Variants in FRMD4A observed in about 807,000 individuals in gnomAD.
FRMD4A encodes FERM domain containing 4A, also known as FERM domain-containing protein 4A.
A neutral mutation model predicts 129.1 loss-of-function variants in FRMD4A; 29 were observed. The observed-to-expected ratio is 0.22, with a 90% CI of 0.17 to 0.31. FRMD4A has a LOEUF of 0.31. Ranked by LOEUF, FRMD4A falls within the 10% of genes least tolerant of loss-of-function variation. FRMD4A has a pLI of 1.00. For synonymous variants in FRMD4A, 634 were observed against 571.6 expected (o/e 1.11, Z -1.56); for missense variants, 1,272 against 1,375.8 (o/e 0.92, Z 1.19).
chr10:14,141,879 T>C (rs1307082607), intron 2 of FRMD4A, among the ~76,000 whole-genome samples: 1 of 152,166 alleles, frequency 6.6e-6, no homozygotes, highest in Non-Finnish European at 1.5e-5. Flanking sequence ...CAGCTGCTTG[T>C]ATCTTTGGCT....
chr10:13,655,120 C>T (rs1413230897), intron 22 of FRMD4A: 3 of 152,360 alleles, frequency 2.0e-5, no homozygotes, highest in African/African-American at 7.2e-5. Context: ...ATGTAGGCAG[C>T]ATGGAAGTCC....
Position 14,185,549 on chromosome 10 carries a change from A to G in FRMD4A, c.45+144509T>C, listed in dbSNP as rs143704935. Among the ~76,000 whole-genome samples the G allele has an allele frequency of 1.0e-3, 159 of 152,350 alleles. 3 individuals carry two copies. In the East Asian group the frequency reaches 0.026, roughly 25 times the overall value. On this transcript the variant is annotated intron_variant, in intron 2 of 24. Transcript: ENST00000357447. ...TAGAACTATGGAAACTTGAAACATA[A>G]AGCAAGACTATTTAAAGGTTCAATC... is the stretch of plus-strand genomic sequence containing the variant.
At chr10:14,210,830 T>G (rs1430766247) in intron 2 of FRMD4A, among the ~76,000 whole-genome samples, 1 of 152,214 alleles carries the variant, frequency 6.6e-6, no homozygotes, top group Non-Finnish European at 1.5e-5. Flanking sequence ...AGGGTTCATG[T>G]GATTCTTCTG....
intron 2 of FRMD4A, among the ~76,000 whole-genome samples, chr10:13,943,586 T>G (rs1268061694): frequency 2.4e-5 from 3 of 125,626 alleles, no homozygotes; most frequent in Non-Finnish European, 4.7e-5. Flanking sequence ...AGGGAGAGGT[T>G]GCAGTGAGGT....
At chr10:14,074,835 T>C (rs981906082) in intron 2 of FRMD4A, 1 of 152,166 alleles carries the variant, frequency 6.6e-6, no homozygotes, top group Non-Finnish European at 1.5e-5. Context: ...TGGTAAGCCA[T>C]GGTGGATTGG....
chr10:13,925,278 G>A (rs2095118471), intron 2 of FRMD4A, among the ~76,000 whole-genome samples: 1 of 151,974 alleles, frequency 6.6e-6, no homozygotes, highest in Non-Finnish European at 1.5e-5. Context: ...TGACCACTGG[G>A]CCAAAACAGA....
chr10:14,241,720 A>AAAAAC, intron 2 of FRMD4A, among the ~76,000 whole-genome samples: 1 of 130,022 alleles, frequency 7.7e-6, no homozygotes, highest in Admixed American at 8.3e-5. Context: ...AAAAAAAAAA[A>AAAAAC]AGAGCCAACT....
intron 2 of FRMD4A, among the ~76,000 whole-genome samples, chr10:13,910,854 C>G (rs2094932937): frequency 7.7e-6 from 1 of 130,260 alleles, no homozygotes; most frequent in East Asian, 2.3e-4. Context: ...CATCATTCAC[C>G]AACACCATCC....
chr10:13,697,970 G>A (rs1375477075), intron 14 of FRMD4A, among the ~76,000 whole-genome samples: 2 of 152,082 alleles, frequency 1.3e-5, no homozygotes, highest in African/African-American at 4.8e-5. Context: ...AATTATAATT[G>A]GTGCCTGTGC....
At chr10:13,671,564 G>C (rs889247453) in intron 16 of FRMD4A, among the ~76,000 whole-genome samples, 1 of 152,212 alleles carries the variant, frequency 6.6e-6, no homozygotes, top group African/African-American at 2.4e-5. Context: ...TCTACTTGTT[G>C]TGGGTACAAG....
chr10:13,737,127 T>C (rs904358918), intron 12 of FRMD4A, among the ~76,000 whole-genome samples: 1 of 152,198 alleles, frequency 6.6e-6, no homozygotes, highest in African/African-American at 2.4e-5. Context: ...TCTTGTTCTG[T>C]CACCCAGGCT....
At chr10:14,085,541 G>T (rs1404510528) in intron 2 of FRMD4A, among the ~76,000 whole-genome samples, 1 of 152,214 alleles carries the variant, frequency 6.6e-6, no homozygotes, top group African/African-American at 2.4e-5. Flanking sequence ...GACGGAACGG[G>T]TCTCAGAAGC....
chr10:13,748,713 CT>C (rs1367183909), intron 8 of FRMD4A, among the ~76,000 whole-genome samples: 2 of 152,000 alleles, frequency 1.3e-5, no homozygotes, highest in East Asian at 3.9e-4. Flanking sequence ...GAATCTAAAA[CT>C]TTTTGAGTGC....
At chr10:13,753,471 A>G (rs4750407) in intron 8 of FRMD4A, among the ~76,000 whole-genome samples, 32,390 of 151,822 alleles carry the variant, frequency 0.21, 3,946 homozygotes, top group South Asian at 0.34. Context: ...TCATAGATAA[A>G]TCACATGAAT....
chr10:14,069,674 A>G (rs1171210551), intron 2 of FRMD4A, among the ~76,000 whole-genome samples: 1 of 152,198 alleles, frequency 6.6e-6, no homozygotes, highest in Non-Finnish European at 1.5e-5. Context: ...ATTTACTATT[A>G]TATGATTTAC....
intron 2 of FRMD4A, among the ~76,000 whole-genome samples, chr10:14,301,102 C>T (rs1477348215): frequency 1.3e-5 from 2 of 152,106 alleles, no homozygotes; most frequent in South Asian, 2.1e-4. Flanking sequence ...AAAGATCAAG[C>T]GAGATTCTCT....
chr10:13,666,068 G>T, intron 18 of FRMD4A, 29 bp downstream of exon 18: 1 of 1,391,130 alleles, frequency 7.2e-7, no homozygotes, highest in Non-Finnish European at 1.0e-6. Context: ...GCGTGGGAGT[G>T]GGGTGGGGGC....
intron 2 of FRMD4A, among the ~76,000 whole-genome samples, chr10:13,874,245 C>CAA (rs71388124): frequency 0.014 from 1,035 of 75,994 alleles, 20 homozygotes; most frequent in South Asian, 0.028. Context: ...GACACTGTCT[C>CAA]AAAAAAAAAA....
chr10:13,984,034 C>T (rs562604407), intron 2 of FRMD4A, among the ~76,000 whole-genome samples: 1 of 151,706 alleles, frequency 6.6e-6, no homozygotes, highest in Admixed American at 6.6e-5. Flanking sequence ...CACGGCTCCT[C>T]ACTCAGCTGG....
Sources: allele counts gnomAD v4.1 joint callset (sites outside exome capture counted in the v4.1 genomes callset), GRCh38; gene constraint gnomAD v4.1.1; transcripts MANE v1.5; gene names NCBI Gene and HGNC (gene_info 2026-07-23, HGNC 2026-07-21).